The following P3H4 variants were observed in gnomAD, a reference collection of about 807,000 sequenced individuals.
P3H4 encodes the protein prolyl 3-hydroxylase family member 4 (inactive), also known as endoplasmic reticulum protein SC65.
Under a neutral mutation model 52.9 loss-of-function variants are expected in P3H4, and 47 were observed. That is an observed-to-expected ratio of 0.89 (90% CI 0.70 to 1.13). The LOEUF is 1.13. Ranked by LOEUF, P3H4 falls within the 50% of genes most tolerant of loss-of-function variation. The pLI, the probability that P3H4 is intolerant of heterozygous loss-of-function variation, is 0.00. For synonymous variants in P3H4, 256 were observed against 267.9 expected (o/e 0.96, Z 0.44); for missense variants, 585 against 611.0 (o/e 0.96, Z 0.45).
chr17:41,805,337 C>T (rs922447603), intron 6 of P3H4, among the ~76,000 whole-genome samples: 69 of 128,296 alleles, frequency 5.4e-4, no homozygotes, highest in African/African-American at 1.8e-3. Flanking sequence ...AATTCTTTCT[C>T]TTTTTTCGAG....
intron 5 of P3H4, chr17:41,807,345 G>C (rs1487303856): frequency 5.3e-6 from 1 of 187,358 alleles, no homozygotes; most frequent in Non-Finnish European, 1.1e-5. Flanking sequence ...TTGCAGGTGA[G>C]GCAATAGATT....
intron 3 of P3H4, 108 bp downstream of exon 3, chr17:41,810,755 C>A: frequency 7.3e-7 from 1 of 1,370,156 alleles, no homozygotes. Context: ...GCCTTCCTCC[C>A]GGCTGGCTCC....
rs368548015 is a variant in P3H4 at position 41,810,774 on chromosome 17, C to T, written c.787+89G>A. ...TCCTCCCGGCTGGCTCCTCCGCATTCGCAGTGCTCCACGTGCATGAAGGGG... is the reference window on the plus strand; with the variant it reads ...TCCTCCCGGCTGGCTCCTCCGCATTTGCAGTGCTCCACGTGCATGAAGGGG... On this transcript the variant is annotated intron_variant, in intron 3 of 7. Coordinates refer to ENST00000393928, the MANE Select transcript of P3H4 (RefSeq NM_006455.3). 1.3e-4 allele frequency: 194 copies of T among 1,474,196 alleles called. No individual in the cohort carries two copies. The African/African-American group carries it at 1.8e-3, about 13-fold the overall frequency. The allele number at this position is 1,474,196 out of a possible 1,614,324, so 91.3% of individuals were successfully genotyped here. A position where few individuals can be genotyped will look rare whatever the true frequency, so the allele number is the denominator to read the frequency against.
chr17:41,804,866 C>G (rs1249754692), intron 6 of P3H4, among the ~76,000 whole-genome samples: 1 of 150,298 alleles, frequency 6.7e-6, no homozygotes, highest in Non-Finnish European at 1.5e-5. Context: ...CCCAGCTACT[C>G]GGAGGCTGAG....
At chr17:41,808,675 C>A (rs1489686907) in intron 4 of P3H4, among the ~76,000 whole-genome samples, 2 of 152,182 alleles carry the variant, frequency 1.3e-5, no homozygotes, top group African/African-American at 2.4e-5. Flanking sequence ...AAGTGTGAAC[C>A]ACTGTGCCCA....
rs139476472 is a variant in P3H4, at chr17:41,803,294, G to T, written c.1284C>A (p.Ala428=). 1.2e-6 allele frequency: 2 copies of T among 1,612,978 alleles called. No individual in the cohort carries two copies. The highest frequency in any genetic ancestry group is 1.7e-6 in the Non-Finnish European group (2 of 1,179,668). ...AGGACTCGTGTCACTGACCAGCCTC[G>T]GCCTCGTCACCCTTGGCATCCGGCT... ...WQEPDAKGDE[A]EAEPEPELA Residue 428 remains alanine (A), a synonymous_variant, in exon 7 of 8, where the codon GCC becomes GCA. Transcript: ENST00000393928.
At position 41,811,032 on chromosome 17, in the gene P3H4, G is replaced by C. The variant is rs1053141726; in HGVS notation, c.618C>G (p.Ala206=). The C allele has an allele frequency of 6.2e-7, 1 of 1,610,864 alleles. No homozygotes were observed. The highest frequency in any genetic ancestry group is 8.5e-7 in the Non-Finnish European group (1 of 1,177,558). Residue 206 remains alanine, a splice_region_variant and synonymous_variant, in exon 3 of 8, where the codon GCC becomes GCG. Transcript: ENST00000393928. This position sits in a 1 kb window ranked among gnomAD's most constrained non-coding sequence, Gnocchi z 4.8. ...AGAGCTTCACAGCCCGGAGGAACAC[G>C]GCCTGGAAGGGGCGTGGCAGGGGGA... ...LTDLEAQPYE[A]VFLRAVKLYN...
In P3H4 at chr17:41,811,677, C is replaced by T. The variant is rs1287589009; in HGVS notation, c.239G>A (p.Cys80Tyr). The T allele has an allele frequency of 2.8e-6, 4 of 1,438,930 alleles. No individual in the cohort carries two copies. Among genetic ancestry groups the T allele is most frequent in the Non-Finnish European group, 2.7e-6 (3 of 1,107,566 alleles). The allele number at this position is 1,438,930 out of a possible 1,614,324, so 89.1% of individuals were successfully genotyped here. A position where few individuals can be genotyped will look rare whatever the true frequency, so the allele number is the denominator to read the frequency against. ...CTTGGCCGCGGGCGCGGGGCCGCTG[C>T]AGTTGGCGTGGCAGAAGGCCTCGCT... ...RDSEAFCHAN[C>Y]SGPAPAAKPD... Residue 80 changes from cysteine (C) to tyrosine (Y), a missense_variant, in exon 1 of 8, where the codon TGC (cysteine) becomes TAC (tyrosine). Cys to Tyr is a radical substitution (Grantham distance 194). Transcript: ENST00000393928. This position sits in a 1 kb window ranked among gnomAD's most constrained non-coding sequence, Gnocchi z 4.8.
chr17:41,803,708 A>G (rs1243950552), intron 6 of P3H4, among the ~76,000 whole-genome samples: 1 of 152,196 alleles, frequency 6.6e-6, no homozygotes, highest in Non-Finnish European at 1.5e-5. Flanking sequence ...CCTGGCAAGA[A>G]TATTGCTAGT....
chr17:41,809,550 G>T (rs2047707277), intron 4 of P3H4, among the ~76,000 whole-genome samples, 156 bp downstream of exon 4: 2 of 152,086 alleles, frequency 1.3e-5, no homozygotes, highest in South Asian at 4.1e-4. Context: ...CTCCCAGGGT[G>T]CCTTCCCCAT....
chr17:41,810,903 A>G lies in P3H4; in HGVS notation c.747T>C (p.His249=). 1.2e-6 allele frequency: 2 copies of G among 1,614,088 alleles called. No individual in the cohort carries two copies. The highest frequency in any genetic ancestry group is 1.7e-6 in the Non-Finnish European group (2 of 1,179,978). ...AGAAGTCCTTGAAGTCCACCTGCTCATGGGCCCCTTCACAGCCGGCCAGGC... is the reference window on the plus strand; with the variant it reads ...AGAAGTCCTTGAAGTCCACCTGCTCGTGGGCCCCTTCACAGCCGGCCAGGC... ...ARCLAGCEGA[H]EQVDFKDFYP... is the part of the protein sequence containing the mutation. Residue 249 remains histidine (H), a synonymous_variant, in exon 3 of 8, where the codon CAT becomes CAC. Coordinates refer to ENST00000393928, the MANE Select transcript of P3H4 (RefSeq NM_006455.3).
chr17:41,810,553 G>T (rs1261822405), intron 3 of P3H4: 2 of 305,804 alleles, frequency 6.5e-6, no homozygotes, highest in African/African-American at 2.2e-5. Flanking sequence ...GTTATCAACT[G>T]CTTTCTGCAC....
At chr17:41,805,811 C>T (rs2144017303) in intron 6 of P3H4, among the ~76,000 whole-genome samples, 1 of 152,194 alleles carries the variant, frequency 6.6e-6, no homozygotes, top group Non-Finnish European at 1.5e-5. Flanking sequence ...CTGCCCTCCT[C>T]CTCTGGGGTT....
At position 41,811,186 on chromosome 17, in the gene P3H4, C is replaced by A; in HGVS notation, c.561G>T (p.Gly187=). 1.2e-6 allele frequency: 2 copies of A among 1,614,204 alleles called. No homozygotes were observed. Residue 187 remains glycine (G), a synonymous_variant, in exon 2 of 8, where the codon GGG becomes GGT. Transcript: ENST00000393928. The surrounding 1 kb of genome is among the most constrained non-coding windows in gnomAD (Gnocchi z 4.8). ...GGGACTCGTCGGCGACGTCCAGCATCCCCTGATAGTAGTTGAGATACTTGG... is the reference window on the plus strand; with the variant it reads ...GGGACTCGTCGGCGACGTCCAGCATACCCTGATAGTAGTTGAGATACTTGG... ...LTAKYLNYYQ[G]MLDVADESLT...
In P3H4 at chr17:41,807,132, AC is replaced by A; in HGVS notation, c.1063-254del. ...CACTGACAAGGAAGGCAGGAGTGGC[AC>A]CATGTGCCCCATATTTGCCAGCCTG... On this transcript the variant is annotated intron_variant, in intron 5 of 7. Coordinates refer to ENST00000393928, the MANE Select transcript of P3H4 (RefSeq NM_006455.3). 5.7e-6 allele frequency: 3 copies of A among 522,742 alleles called. No individual in the cohort carries two copies. In the South Asian group the frequency reaches 7.0e-5, roughly 12 times the overall value. The allele number at this position is 522,742 out of a possible 1,614,324, so 32.4% of individuals were successfully genotyped here. A position where few individuals can be genotyped will look rare whatever the true frequency, so the allele number is the denominator to read the frequency against.
Position 41,803,442 on chromosome 17 carries a change from G to A in P3H4, c.1147-11C>T, listed in dbSNP as rs114300492. 1.2e-3 allele frequency: 1,969 copies of A among 1,612,388 alleles called. 16 individuals are homozygous for A. In the African/African-American group the frequency reaches 0.023, roughly 18 times the overall value. ...CTCCTCCAGCTCCATCTAGAGTAGC[G>A]CCACGGTTGTGGGAGAAACCGGGTC... On this transcript the variant is annotated splice_polypyrimidine_tract_variant and intron_variant, in intron 6 of 7. Transcript: ENST00000393928.
At chr17:41,806,601 T>C (rs1309552899) in intron 6 of P3H4, among the ~76,000 whole-genome samples, 195 bp downstream of exon 6, 2 of 152,090 alleles carry the variant, frequency 1.3e-5, no homozygotes, top group African/African-American at 4.8e-5. Flanking sequence ...GATTGAGACA[T>C]GTACAAAAGG....
intron 6 of P3H4, among the ~76,000 whole-genome samples, chr17:41,804,656 C>A (rs1555613945): frequency 6.7e-6 from 1 of 150,258 alleles, no homozygotes. Flanking sequence ...CAGGTACTGG[C>A]TCTTTATCAA....
Position 41,802,632 on chromosome 17 carries a change from A to G in P3H4, c.*325T>C, listed in dbSNP as rs1055787045. 16 of 294,194 alleles carry G rather than the reference A, an allele frequency of 5.4e-5. No homozygotes were observed. The highest frequency in any genetic ancestry group is 3.0e-4 in the African/African-American group (13 of 43,354). 18.2% of individuals were successfully genotyped at this position (294,194 alleles called of 1,614,324 possible). Reference sequence around the variant, plus strand: ...GGTGGCGCAATCTCAGTTCACTGCAACCTTTGCCTCCCAGGTTCAAGCGAT... The same window carrying G: ...GGTGGCGCAATCTCAGTTCACTGCAGCCTTTGCCTCCCAGGTTCAAGCGAT... On this transcript the variant is annotated 3_prime_UTR_variant, in exon 8 of 8. Coordinates refer to ENST00000393928, the MANE Select transcript of P3H4 (RefSeq NM_006455.3).
Sources: allele counts gnomAD v4.1 joint callset (sites outside exome capture counted in the v4.1 genomes callset), GRCh38; gene constraint gnomAD v4.1.1; non-coding constraint Gnocchi (gnomAD v3.1); transcripts MANE v1.5; gene names NCBI Gene and HGNC (gene_info 2026-07-23, HGNC 2026-07-21).